The following GTF2E2 variants were observed in gnomAD, a reference collection of about 807,000 sequenced individuals.
GTF2E2 encodes general transcription factor IIE subunit 2.
A neutral mutation model predicts 40.5 loss-of-function variants in GTF2E2; 21 were observed. The ratio of observed to expected loss-of-function variants is 0.52; its 90% CI spans 0.37 to 0.75. The LOEUF (loss-of-function observed/expected upper bound fraction) is 0.75. Ranked by LOEUF, GTF2E2 falls within the 30% of genes least tolerant of loss-of-function variation. GTF2E2 has a pLI of 0.00. For synonymous variants in GTF2E2, 117 were observed against 121.6 expected (o/e 0.96, Z 0.25); for missense variants, 298 against 338.4 (o/e 0.88, Z 0.94).
At chr8:30,644,450 T>C (rs1156597709) in intron 2 of GTF2E2, 1 of 152,286 alleles carries the variant, frequency 6.6e-6, no homozygotes, top group South Asian at 2.1e-4. Flanking sequence ...ATTCTGAAAA[T>C]TGGCATTATT....
Position 30,612,367 on chromosome 8 carries a change from G to A in GTF2E2, c.481C>T (p.Arg161Ter). ...LLRLLDQHDQ[R>*]GLGGILLEDI... ...TCTAAAAGAATTCCTCCTAATCCTC[G>A]CTGGTCATGCTGATCTAAGAGCCTA... is the stretch of plus-strand genomic sequence containing the variant. The change falls in exon 5 of 8, where the codon CGA (arginine) becomes TGA (stop). Residue 161 changes from arginine to a stop codon, truncating the protein, a stop_gained. Transcript: ENST00000355904. LOFTEE classifies it high-confidence loss of function. 2 of 1,612,326 alleles carry A rather than the reference G, an allele frequency of 1.2e-6. No individual in the cohort carries two copies. Among genetic ancestry groups the A allele is most frequent in the Non-Finnish European group, 8.5e-7 (1 of 1,178,560 alleles).
intron 1 of GTF2E2, among the ~76,000 whole-genome samples, chr8:30,654,221 T>C (rs1802384133): frequency 6.6e-6 from 1 of 152,066 alleles, no homozygotes; most frequent in Non-Finnish European, 1.5e-5. Flanking sequence ...TAGTTAAAAT[T>C]GAGATGGACT....
chr8:30,578,716 G>T lies in GTF2E2; in HGVS notation c.*205C>A, dbSNP rs763664805. ...GCCTTTCTCCCAGGGAGTAACAGAA[G>T]GTTAACAGGGAACATCACATTGCCC... On this transcript the variant is annotated 3_prime_UTR_variant, in exon 8 of 8. Transcript: ENST00000355904. 1 of 478,206 alleles carries T rather than the reference G, an allele frequency of 2.1e-6. No individual in the cohort carries two copies. Among genetic ancestry groups the T allele is most frequent in the African/African-American group, 2.0e-5 (1 of 50,970 alleles). The allele number at this position is 478,206 out of a possible 1,614,324, so 29.6% of individuals were successfully genotyped here.
At chr8:30,641,222 C>T (rs1161055419) in intron 2 of GTF2E2, among the ~76,000 whole-genome samples, 1 of 152,172 alleles carries the variant, frequency 6.6e-6, no homozygotes, top group Non-Finnish European at 1.5e-5. Flanking sequence ...AATACACTCA[C>T]AAGACAAATC....
At chr8:30,580,191 A>C (rs1024465260) in intron 7 of GTF2E2, 90 bp downstream of exon 7, 7 of 739,856 alleles carry the variant, frequency 9.5e-6, no homozygotes, top group Middle Eastern at 2.4e-4. Context: ...TGGCGGGGGA[A>C]CAACTCCCAG....
chr8:30,581,342 C>G (rs914415861), intron 6 of GTF2E2, among the ~76,000 whole-genome samples: 1 of 152,186 alleles, frequency 6.6e-6, no homozygotes, highest in African/African-American at 2.4e-5. Flanking sequence ...GAACTTCCCA[C>G]GGTCCGTTTA....
rs11307086 is a variant in GTF2E2 at position 30,654,088 on chromosome 8, CAA to C, written c.-4-488_-4-487del. On this transcript the variant is annotated intron_variant, in intron 1 of 7. Coordinates refer to ENST00000355904, the MANE Select transcript of GTF2E2 (RefSeq NM_002095.6). ...TGGGTGACAGACCAAGACCCTTGTT[CAA>C]AAAAAAAAAAAAAAAAGAAAGAAAG... Among the ~76,000 whole-genome samples the C allele has an allele frequency of 1.0e-2, 1,152 of 115,318 alleles. 7 individuals carry two copies. The highest frequency in any genetic ancestry group is 0.026 in the African/African-American group (813 of 31,006). The allele number at this position is 115,318 out of a possible 152,430, so 75.7% of individuals were successfully genotyped here.
chr8:30,598,275 T>G (rs536410074), intron 6 of GTF2E2, among the ~76,000 whole-genome samples: 2 of 152,222 alleles, frequency 1.3e-5, no homozygotes, highest in Admixed American at 1.3e-4. Context: ...CCTTTCTACC[T>G]GATATGCAAA....
At chr8:30,610,075 T>C (rs924668829) in intron 5 of GTF2E2, among the ~76,000 whole-genome samples, 1 of 152,208 alleles carries the variant, frequency 6.6e-6, no homozygotes, top group Non-Finnish European at 1.5e-5. Context: ...AATAGACTAA[T>C]ACATAGCCAA....
rs551249573 is a variant in GTF2E2 at position 30,579,883 on chromosome 8, G to A, written c.759+398C>T. Among the ~76,000 whole-genome samples, 202 of 152,298 alleles carry A rather than the reference G, an allele frequency of 1.3e-3. 2 individuals are homozygous for A. Among genetic ancestry groups the A allele is most frequent in the South Asian group, 0.012 (59 of 4,824 alleles). On this transcript the variant is annotated intron_variant, in intron 7 of 7. Coordinates refer to ENST00000355904, the MANE Select transcript of GTF2E2 (RefSeq NM_002095.6). ...CTGAAAGTTACTATGGCAGAACCAG[G>A]CACCAGGACGGCGAGGCTCACGGAG...
intron 5 of GTF2E2, among the ~76,000 whole-genome samples, chr8:30,611,297 C>T (rs1441161736): frequency 6.6e-6 from 1 of 152,080 alleles, no homozygotes; most frequent in Admixed American, 6.5e-5. Flanking sequence ...TAAGACCCAA[C>T]AGAAATGTAT....
chr8:30,598,610 C>G (rs1252183393), intron 6 of GTF2E2, among the ~76,000 whole-genome samples: 3 of 152,120 alleles, frequency 2.0e-5, no homozygotes, highest in South Asian at 4.1e-4. Flanking sequence ...AACATGACAT[C>G]TACTATGTAA....
At chr8:30,582,400 A>C (rs955442647) in intron 6 of GTF2E2, among the ~76,000 whole-genome samples, 24 of 152,254 alleles carry the variant, frequency 1.6e-4, no homozygotes, top group African/African-American at 5.8e-4. Context: ...AAATGAGTAC[A>C]CAGAGTTCCT....
At chr8:30,615,041 A>T (rs1800874482) in intron 3 of GTF2E2, among the ~76,000 whole-genome samples, 1 of 151,718 alleles carries the variant, frequency 6.6e-6, no homozygotes, top group Admixed American at 6.6e-5. Context: ...ACTCTGGGGG[A>T]CTAAGGCAGG....
chr8:30,643,153 T>A (rs553608706), intron 2 of GTF2E2, among the ~76,000 whole-genome samples: 58 of 152,164 alleles, frequency 3.8e-4, no homozygotes, highest in Middle Eastern at 3.4e-3. Flanking sequence ...AACAAAAAAA[T>A]TTAAGGAATT....
intron 6 of GTF2E2, among the ~76,000 whole-genome samples, chr8:30,601,059 TG>T (rs1416798689): frequency 1.3e-5 from 2 of 152,230 alleles, no homozygotes; most frequent in African/African-American, 4.8e-5. Context: ...AAACTTGTTT[TG>T]TTTTGTTTTT....
chr8:30,654,849 T>A (rs1802404582), intron 1 of GTF2E2, among the ~76,000 whole-genome samples: 1 of 152,116 alleles, frequency 6.6e-6, no homozygotes, highest in Admixed American at 6.6e-5. Flanking sequence ...AAGAGAACCA[T>A]CAGAACTGCT....
chr8:30,642,063 C>A lies in GTF2E2; in HGVS notation c.167-6940G>T, dbSNP rs190645311. ...ATCCCAATTTGAATTTTTTGGAATCCAGAATACTCAATAAATGTATTAAAT... is the reference window on the plus strand; with the variant it reads ...ATCCCAATTTGAATTTTTTGGAATCAAGAATACTCAATAAATGTATTAAAT... On this transcript the variant is annotated intron_variant, in intron 2 of 7. Coordinates refer to ENST00000355904, the MANE Select transcript of GTF2E2 (RefSeq NM_002095.6). 1.4e-4 allele frequency among the ~76,000 whole-genome samples: 21 copies of A among 152,090 alleles called. No individual in the cohort carries two copies. The East Asian group carries it at 4.1e-3, about 29-fold the overall frequency.
intron 5 of GTF2E2, 71 bp downstream of exon 5, chr8:30,612,228 G>A: frequency 1.0e-6 from 1 of 965,734 alleles, no homozygotes; most frequent in Non-Finnish European, 1.6e-6. Context: ...TAAAATGTTT[G>A]ATATTTTTAA....
Sources: allele counts gnomAD v4.1 joint callset (sites outside exome capture counted in the v4.1 genomes callset), GRCh38; gene constraint gnomAD v4.1.1; transcripts MANE v1.5; gene names NCBI Gene and HGNC (gene_info 2026-07-23, HGNC 2026-07-21).